KIAA1671: variants seen among roughly 807,000 people sequenced by gnomAD.
KIAA1671 encodes the protein uncharacterized protein KIAA1671.
KIAA1671 carries 52 observed loss-of-function variants against 131.2 expected under a neutral mutation model. The ratio of observed to expected loss-of-function variants is 0.40; its 90% CI spans 0.32 to 0.50. KIAA1671 has a LOEUF of 0.50. KIAA1671 is among the 20% of genes least tolerant of loss of function. KIAA1671 has a pLI of 0.73. For missense variants in KIAA1671, 2,360 were observed against 2,364.2 expected (o/e 1.00, Z 0.04); for synonymous variants, 1,003 against 961.6 (o/e 1.04, Z -0.80).
In KIAA1671 at chr22:25,028,677, C is replaced by G; in HGVS notation, c.678C>G (p.Asp226Glu). Residue 226 changes from aspartate to glutamate, a missense_variant, in exon 3 of 13, where the codon GAC becomes GAG. Physicochemically the swap from Asp to Glu is conservative, Grantham distance 45. This residue lies in a region of KIAA1671 where 1,185 missense variants were observed against 1,126.2 expected (regional missense o/e 1.05). Transcript: ENST00000358431. ...HPPSKASSVEDTARPLVEPRP... is the reference protein window; with the variant it reads ...HPPSKASSVEETARPLVEPRP... Reference sequence around the variant, plus strand: ...CCTCAAAGGCCAGCAGTGTGGAGGACACGGCACGCCCCCTTGTGGAGCCCA... The same window carrying G: ...CCTCAAAGGCCAGCAGTGTGGAGGAGACGGCACGCCCCCTTGTGGAGCCCA... 2 of 1,551,164 alleles carry G rather than the reference C, an allele frequency of 1.3e-6. No individual in the cohort carries two copies. The highest frequency in any genetic ancestry group is 1.7e-6 in the Non-Finnish European group (2 of 1,147,002).
At chr22:25,071,814 G>A (rs1355296177) in intron 6 of KIAA1671, among the ~76,000 whole-genome samples, 1 of 152,198 alleles carries the variant, frequency 6.6e-6, no homozygotes, top group Non-Finnish European at 1.5e-5. Flanking sequence ...ACCAGCAGTA[G>A]TTTGGAGCTA....
chr22:25,039,958 G>A lies in KIAA1671; in HGVS notation c.2828G>A (p.Arg943Lys). 1 of 1,551,406 alleles carries A rather than the reference G, an allele frequency of 6.4e-7. No individual in the cohort carries two copies. Among genetic ancestry groups the A allele is most frequent in the Middle Eastern group, 1.7e-4 (1 of 5,992 alleles). ...RMRKAGAMDQRMDRWRRRTLP... is the reference protein window; with the variant it reads ...RMRKAGAMDQKMDRWRRRTLP... ...CGGAAAGCCGGCGCCATGGACCAGA[G>A]AATGGACAGATGGCGGCGGCGGACT... is the stretch of plus-strand genomic sequence containing the variant. Residue 943 changes from arginine (R) to lysine (K), a missense_variant, in exon 5 of 13, where the codon AGA becomes AAA. Physicochemically the swap from Arg to Lys is conservative, Grantham distance 26 (BLOSUM62 2). Coordinates refer to ENST00000358431, the MANE Select transcript of KIAA1671 (RefSeq NM_001145206.2).
intron 6 of KIAA1671, among the ~76,000 whole-genome samples, chr22:25,123,135 G>A (rs990533084): frequency 1.9e-4 from 28 of 150,396 alleles, no homozygotes; most frequent in African/African-American, 6.6e-4. Context: ...CTTCTATGCT[G>A]TACTGGGTTG....
At chr22:24,966,541 C>T (rs1328503608) in intron 1 of KIAA1671, among the ~76,000 whole-genome samples, 2 of 152,180 alleles carry the variant, frequency 1.3e-5, no homozygotes, top group East Asian at 3.9e-4. Context: ...TCATTTTAGG[C>T]CCCAGCACTG....
chr22:24,988,814 G>C (rs1483446984), intron 1 of KIAA1671, among the ~76,000 whole-genome samples: 1 of 152,072 alleles, frequency 6.6e-6, no homozygotes, highest in Non-Finnish European at 1.5e-5. Context: ...CCCAAAGATG[G>C]GGAGGGAATG....
chr22:25,162,032 C>A (rs1933460538), intron 6 of KIAA1671, among the ~76,000 whole-genome samples: 1 of 152,196 alleles, frequency 6.6e-6, no homozygotes, highest in African/African-American at 2.4e-5. Flanking sequence ...AGCTCCACCC[C>A]TTCCAAACCA....
chr22:25,026,178 A>C (rs1326629857), intron 2 of KIAA1671, among the ~76,000 whole-genome samples: 2 of 152,146 alleles, frequency 1.3e-5, no homozygotes, highest in Non-Finnish European at 2.9e-5. Context: ...AAATATCAAA[A>C]TCTGTCTGCC....
chr22:25,057,539 C>T (rs6004412), intron 6 of KIAA1671: 32,046 of 152,154 alleles, frequency 0.21, 3,495 homozygotes, highest in Middle Eastern at 0.28. Flanking sequence ...GAACCTTTTC[C>T]ACCTGTTAGC....
chr22:25,039,903 G>T lies in KIAA1671; in HGVS notation c.2773G>T (p.Ala925Ser). 2 of 1,551,544 alleles carry T rather than the reference G, an allele frequency of 1.3e-6. No individual in the cohort carries two copies. Among genetic ancestry groups the T allele is most frequent in the South Asian group, 2.4e-5 (2 of 84,028 alleles). ...CGCCAGGGAGGGTGATCCAGGGCCG[G>T]CCCAGGTGCCACAGCCTGCAGTCAG... ...VAAREGDPGP[A>S]QVPQPAVRMR... The change falls in exon 5 of 13, where the codon GCC becomes TCC. Residue 925 changes from alanine (A) to serine (S), a missense_variant. Ala to Ser is a moderately conservative substitution (Grantham distance 99). Coordinates refer to ENST00000358431, the MANE Select transcript of KIAA1671 (RefSeq NM_001145206.2).
Position 25,193,699 on chromosome 22 carries a change from A to G in KIAA1671, c.*1298A>G, listed in dbSNP as rs1200364248. The G allele has an allele frequency of 6.6e-6, 1 of 152,218 alleles. No individual in the cohort carries two copies. The highest frequency in any genetic ancestry group is 2.4e-5 in the African/African-American group (1 of 41,446). The allele number at this position is 152,218 out of a possible 1,614,324, so 9.4% of individuals were successfully genotyped here. On this transcript the variant is annotated 3_prime_UTR_variant, in exon 13 of 13. Transcript: ENST00000358431. ...ATCCTCTGTTTCTTTAGGTTAGGAT[A>G]AACACCTGGGCCCTGGTGAGGCAGT...
intron 1 of KIAA1671, among the ~76,000 whole-genome samples, chr22:24,980,298 G>A (rs915857099): frequency 4.3e-5 from 6 of 141,086 alleles, no homozygotes; most frequent in Admixed American, 7.2e-5. Context: ...TTGAGACGGC[G>A]TCTTGCTCTG....
intron 1 of KIAA1671, among the ~76,000 whole-genome samples, chr22:25,017,784 C>G (rs1249074538): frequency 6.6e-6 from 1 of 152,122 alleles, no homozygotes; most frequent in Non-Finnish European, 1.5e-5. Flanking sequence ...GTTCTGGCTC[C>G]TAAGCCAGGG....
chr22:25,140,432 G>A (rs1036248644), intron 6 of KIAA1671, among the ~76,000 whole-genome samples: 14 of 152,222 alleles, frequency 9.2e-5, no homozygotes, highest in African/African-American at 3.1e-4. Flanking sequence ...CCGGACTGCG[G>A]TGGCACTATC....
intron 3 of KIAA1671, among the ~76,000 whole-genome samples, chr22:25,030,927 G>C (rs1333271291): frequency 6.6e-6 from 1 of 152,236 alleles, no homozygotes; most frequent in Admixed American, 6.5e-5. Context: ...CTGGCCCTCA[G>C]TACTTTAGAA....
intron 3 of KIAA1671, among the ~76,000 whole-genome samples, chr22:25,031,119 C>T (rs539757249): frequency 2.6e-5 from 4 of 152,132 alleles, no homozygotes; most frequent in East Asian, 1.9e-4. Flanking sequence ...CTCCACCTCC[C>T]GGGTTCAAGT....
chr22:25,021,462 T>A (rs1277543930), intron 1 of KIAA1671, among the ~76,000 whole-genome samples: 2 of 144,922 alleles, frequency 1.4e-5, no homozygotes, highest in African/African-American at 5.3e-5. Flanking sequence ...GAGCTTGTCC[T>A]TACCTTTTTT....
chr22:25,020,459 T>A (rs1925604469), intron 1 of KIAA1671, among the ~76,000 whole-genome samples: 1 of 152,216 alleles, frequency 6.6e-6, no homozygotes, highest in African/African-American at 2.4e-5. Context: ...TATTATTTTC[T>A]TCTCTTCAGG....
chr22:25,120,339 G>T (rs1016934361), intron 6 of KIAA1671, among the ~76,000 whole-genome samples: 27 of 152,354 alleles, frequency 1.8e-4, no homozygotes, highest in African/African-American at 5.8e-4. Context: ...AGGACAGGCT[G>T]CTTTCTTTTT....
chr22:25,019,639 T>G (rs1200165216), intron 1 of KIAA1671, among the ~76,000 whole-genome samples: 2 of 151,186 alleles, frequency 1.3e-5, no homozygotes, highest in African/African-American at 4.9e-5. Context: ...TCCAGACCTC[T>G]GTCATTTGTA....
Sources: allele counts gnomAD v4.1 joint callset (sites outside exome capture counted in the v4.1 genomes callset), GRCh38; gene constraint gnomAD v4.1.1; regional missense constraint gnomAD v4.1.1; transcripts MANE v1.5; gene names NCBI Gene and HGNC (gene_info 2026-07-23, HGNC 2026-07-21).